MED13L: variants seen among roughly 807,000 people sequenced by gnomAD.
The protein encoded by MED13L is mediator of RNA polymerase II transcription subunit 13-like.
MED13L carries 7 observed loss-of-function variants against 220.9 expected under a neutral mutation model. The observed-to-expected ratio is 0.03, with a 90% confidence interval of 0.02 to 0.06. The LOEUF is 0.06. Among genes scored for constraint, MED13L ranks in the 10% least tolerant of loss-of-function variants. The pLI is 1.00. For missense variants in MED13L, 1,965 were observed against 2,760.5 expected (o/e 0.71, Z 6.46); for synonymous variants, 1,011 against 1,015.2 (o/e 1.00, Z 0.08).
At chr12:115,983,044 A>G in intron 21 of MED13L, 73 bp downstream of exon 21, 1 of 1,502,162 alleles carries the variant, frequency 6.7e-7, no homozygotes, top group Non-Finnish European at 9.2e-7. Flanking sequence ...AGGTCAAGGG[A>G]GAAAAGGTGC....
rs536636777 is a variant in MED13L, at chr12:116,011,243, G to C, written c.1280+1554C>G. 2.9e-4 allele frequency among the ~76,000 whole-genome samples: 44 copies of C among 152,182 alleles called. 1 individual carries two copies. The South Asian group carries it at 8.7e-3, about 30-fold the overall frequency. ...CAAGACTATGTGAAAGTCAGGTTGG[G>C]ACAGAAGTTGGAAAGTCAATGGAAT... is the stretch of plus-strand genomic sequence containing the variant. On this transcript the variant is annotated intron_variant, in intron 9 of 30. Transcript: ENST00000281928.
chr12:116,136,556 G>A (rs1005883602), intron 2 of MED13L, among the ~76,000 whole-genome samples: 2 of 152,174 alleles, frequency 1.3e-5, no homozygotes, highest in African/African-American at 4.8e-5. Flanking sequence ...AGAGGAAATG[G>A]TGGAAGACTT....
At chr12:116,179,863 A>C (rs549140416) in intron 2 of MED13L, among the ~76,000 whole-genome samples, 37 of 152,292 alleles carry the variant, frequency 2.4e-4, no homozygotes, top group Admixed American at 2.1e-3. Context: ...GCCCAAATAC[A>C]ATCAGCTATA....
intron 2 of MED13L, among the ~76,000 whole-genome samples, chr12:116,173,634 G>A (rs1879844653): frequency 1.3e-5 from 2 of 152,116 alleles, no homozygotes; most frequent in Non-Finnish European, 2.9e-5. Context: ...TTAACATACT[G>A]CAATTCCTTT....
chr12:116,030,614 A>C (rs1880681527), intron 4 of MED13L, among the ~76,000 whole-genome samples: 1 of 152,198 alleles, frequency 6.6e-6, no homozygotes, highest in Admixed American at 6.5e-5. Context: ...TGAGCAGACT[A>C]ACAGATGACA....
At chr12:116,033,322 C>G (rs1880971749) in intron 4 of MED13L, among the ~76,000 whole-genome samples, 2 of 152,106 alleles carry the variant, frequency 1.3e-5, no homozygotes, top group South Asian at 4.2e-4. Context: ...TTTTAAGTGC[C>G]CTACACAAAC....
At chr12:116,027,202 C>A (rs573181196) in intron 4 of MED13L, among the ~76,000 whole-genome samples, 1 of 152,230 alleles carries the variant, frequency 6.6e-6, no homozygotes, top group African/African-American at 2.4e-5. Flanking sequence ...TTGGGCAGAT[C>A]GCTGAGCTCA....
chr12:116,152,245 TA>T (rs1444062087), intron 2 of MED13L, among the ~76,000 whole-genome samples: 1 of 152,210 alleles, frequency 6.6e-6, no homozygotes, highest in East Asian at 1.9e-4. Context: ...GTAGTTTTTG[TA>T]AAGTCTGAAA....
In MED13L at chr12:116,006,406, C is replaced by T. The variant is rs746831471; in HGVS notation, c.2244G>A (p.Glu748=). ...TGACATCCTTGGTACCAAATCCATC[C>T]TCTGACTGTATAATAAATTCAGCCA... The part of the protein sequence containing the change: ...EKDSLKKNKS[E]DGFGTKDVTT... Residue 748 remains glutamate (E), a synonymous_variant, in exon 12 of 31, where the codon GAG becomes GAA. Transcript: ENST00000281928. 2 of 1,613,548 alleles carry T rather than the reference C, an allele frequency of 1.2e-6. No homozygotes were observed. Among genetic ancestry groups the T allele is most frequent in the Non-Finnish European group, 1.7e-6 (2 of 1,179,538 alleles).
chr12:116,102,703 C>CCTTT (rs1873175799), intron 3 of MED13L, among the ~76,000 whole-genome samples: 2 of 63,202 alleles, frequency 3.2e-5, no homozygotes, highest in African/African-American at 1.1e-4. Flanking sequence ...TTTTCTTTTT[C>CCTTT]TTTTTTCTTT....
At chr12:115,972,392 A>G (rs1592901401) in intron 25 of MED13L, 156 bp from the exon 26 acceptor site, 9 of 821,382 alleles carry the variant, frequency 1.1e-5, no homozygotes, top group Middle Eastern at 3.5e-4. Context: ...GCTATAGAGA[A>G]TGTTACTCGA....
chr12:116,052,022 A>G (rs1868548253), intron 4 of MED13L, among the ~76,000 whole-genome samples: 1 of 152,170 alleles, frequency 6.6e-6, no homozygotes, highest in Non-Finnish European at 1.5e-5. Flanking sequence ...CAGCAGTGGT[A>G]GCCGACCAGT....
At chr12:116,033,134 G>A (rs760014046) in intron 4 of MED13L, among the ~76,000 whole-genome samples, 16 of 152,056 alleles carry the variant, frequency 1.1e-4, no homozygotes, top group Middle Eastern at 3.4e-3. Context: ...ACTGGAAAGC[G>A]TTCATCTTAA....
intron 1 of MED13L, among the ~76,000 whole-genome samples, chr12:116,271,769 T>C (rs1004566736): frequency 3.3e-5 from 5 of 152,224 alleles, no homozygotes; most frequent in Admixed American, 6.5e-5. Flanking sequence ...TTTTCTTCAT[T>C]TCTACGGTTG....
intron 4 of MED13L, among the ~76,000 whole-genome samples, chr12:116,074,680 C>T (rs1265803401): frequency 6.6e-6 from 1 of 152,240 alleles, no homozygotes; most frequent in Non-Finnish European, 1.5e-5. Flanking sequence ...CTATTCCATA[C>T]TCCTGTTCTC....
At chr12:115,969,246 C>A in intron 27 of MED13L, 149 bp from the exon 28 acceptor site, 1 of 833,220 alleles carries the variant, frequency 1.2e-6, no homozygotes, top group South Asian at 1.6e-5. Context: ...CAGTTAGGAC[C>A]TACTGAGTGC....
At chr12:116,201,319 T>C (rs985829376) in intron 2 of MED13L, among the ~76,000 whole-genome samples, 4 of 152,104 alleles carry the variant, frequency 2.6e-5, no homozygotes, top group Non-Finnish European at 5.9e-5. Context: ...ATTTTGGTCA[T>C]TAAGTCCATC....
At chr12:115,986,624 T>C (rs1331639405) in intron 18 of MED13L, 135 bp from the exon 19 acceptor site, 9 of 883,038 alleles carry the variant, frequency 1.0e-5, no homozygotes, top group Non-Finnish European at 1.6e-5. Context: ...TTCTTAAAAG[T>C]ATTTTTGAAA....
intron 4 of MED13L, among the ~76,000 whole-genome samples, chr12:116,030,778 T>C (rs117049763): frequency 0.011 from 1,693 of 152,204 alleles, 18 homozygotes; most frequent in Non-Finnish European, 0.02. Flanking sequence ...ATACAGTAAC[T>C]TTATGCCGAT....
Sources: allele counts gnomAD v4.1 joint callset (sites outside exome capture counted in the v4.1 genomes callset), GRCh38; gene constraint gnomAD v4.1.1; transcripts MANE v1.5; gene names NCBI Gene and HGNC (gene_info 2026-07-23, HGNC 2026-07-21).